IL17RC: variants seen among roughly 807,000 people sequenced by gnomAD.
IL17RC encodes interleukin-17 receptor C.
In IL17RC, 53 loss-of-function variants were observed where a neutral mutation model predicts 86.7. That is an observed-to-expected ratio of 0.61 (90% CI 0.49 to 0.77). IL17RC has a LOEUF of 0.77. Among genes scored for constraint, IL17RC ranks in the 30% least tolerant of loss-of-function variants. IL17RC has a pLI of 0.00. For missense variants in IL17RC, 957 were observed against 940.0 expected, an observed-to-expected ratio of 1.02 and a Z score of -0.24; for synonymous variants, 439 against 413.1, an observed-to-expected ratio of 1.06 and a Z score of -0.76.
Position 9,917,438 on chromosome 3 carries a change from G to A in IL17RC, c.105+18G>A, listed in dbSNP as rs763231993. The A allele has an allele frequency of 3.7e-6, 6 of 1,614,214 alleles. No individual in the cohort carries two copies. The East Asian group carries it at 1.3e-4, about 36-fold the overall frequency. ...GCTCTCCGGTGAGTCTGGAACCCTGGGGAGACGAGGAAAGGCTCAGGGTTC... is the reference window on the plus strand; with the variant it reads ...GCTCTCCGGTGAGTCTGGAACCCTGAGGAGACGAGGAAAGGCTCAGGGTTC... On this transcript the variant is annotated intron_variant, in intron 1 of 18. Transcript: ENST00000403601.
chr3:9,932,565 T>C (rs2084843221), intron 16 of IL17RC, 43 bp from the exon 17 acceptor site: 2 of 1,553,112 alleles, frequency 1.3e-6, no homozygotes, highest in Non-Finnish European at 1.8e-6. Flanking sequence ...TTTTCTTCTC[T>C]GTGGAGGGTA....
chr3:9,917,922 G>T lies in IL17RC; in HGVS notation c.128-1G>T. ...GCTCCCACCCGCTCCTCCACACACA[G>T]ACAGTGACATACTCTGCCTGCCTGG... is the stretch of plus-strand genomic sequence containing the variant. On this transcript the variant is annotated splice_acceptor_variant, in intron 2 of 18. Coordinates refer to ENST00000403601, the MANE Select transcript of IL17RC (RefSeq NM_153460.4). LOFTEE classifies it high-confidence loss of function. 6.2e-7 allele frequency: 1 copy of T among 1,613,244 alleles called. No individual in the cohort carries two copies.
chr3:9,917,286 C>T lies in IL17RC; in HGVS notation c.-30C>T. ...CTTGGGGGGGGGCAGCACAGGGCCT[C>T]AGGCCTGGGTGCCACCTGGCACCTA... On this transcript the variant is annotated 5_prime_UTR_variant, in exon 1 of 19. Transcript: ENST00000403601. 2.5e-6 allele frequency: 4 copies of T among 1,592,604 alleles called. No individual in the cohort carries two copies. Among genetic ancestry groups the T allele is most frequent in the Non-Finnish European group, 3.4e-6 (4 of 1,166,782 alleles).
chr3:9,930,850 A>G lies in IL17RC; in HGVS notation c.1339-45A>G. The G allele has an allele frequency of 6.3e-7, 1 of 1,582,716 alleles. No homozygotes were observed. Among genetic ancestry groups the G allele is most frequent in the Non-Finnish European group, 8.7e-7 (1 of 1,151,404 alleles). ...CCACCAGAGCTTGGTGAATATTGGA[A>G]CACCTGGCTGGTGCCCTGGATTTGG... On this transcript the variant is annotated intron_variant, in intron 15 of 18. Transcript: ENST00000403601. The surrounding 1 kb of genome is among the most constrained non-coding windows in gnomAD (Gnocchi z 5.8).
rs2125249361 is a variant in IL17RC, at chr3:9,928,186, C to T, written c.843C>T (p.Asp281=). ...TCCAGGTGTGGCCTCTGGAACCTGA[C>T]TCCGTTAGGACGAACATCTGCCCCT... The part of the protein sequence containing the change: ...LCIQVWPLEP[D]SVRTNICPFR... Residue 281 remains aspartate, a synonymous_variant, in exon 10 of 19, where the codon GAC becomes GAT. Transcript: ENST00000403601. 16 of 1,614,150 alleles carry T rather than the reference C, an allele frequency of 9.9e-6. No individual in the cohort carries two copies. Among genetic ancestry groups the T allele is most frequent in the Non-Finnish European group, 1.4e-5 (16 of 1,180,028 alleles).
At chr3:9,919,530 C>G (rs1403235072) in intron 5 of IL17RC, among the ~76,000 whole-genome samples, 1 of 151,948 alleles carries the variant, frequency 6.6e-6, no homozygotes, top group African/African-American at 2.4e-5. Flanking sequence ...CCTGTAGACC[C>G]AGCTACTCGG....
In IL17RC at chr3:9,920,979, A is replaced by C; in HGVS notation, c.622+10A>C. 7.0e-7 allele frequency: 1 copy of C among 1,434,286 alleles called. No homozygotes were observed. The highest frequency in any genetic ancestry group is 9.5e-7 in the Non-Finnish European group (1 of 1,053,416). The allele number at this position is 1,434,286 out of a possible 1,614,324, so 88.8% of individuals were successfully genotyped here. On this transcript the variant is annotated intron_variant, in intron 7 of 18. Coordinates refer to ENST00000403601, the MANE Select transcript of IL17RC (RefSeq NM_153460.4). ...ATCCCGAGCTGCTGGGGTAGGGGCT[A>C]GGGCCAGTGGGCCGGGGGTAGGGAG...
At chr3:9,928,015 A>G in intron 9 of IL17RC, 151 bp from the exon 10 acceptor site, 1 of 701,574 alleles carries the variant, frequency 1.4e-6, no homozygotes, top group Non-Finnish European at 2.5e-6. Context: ...CTGGAAGAAT[A>G]GATGTGAGCA....
intron 7 of IL17RC, among the ~76,000 whole-genome samples, chr3:9,923,460 A>G (rs1390194353): frequency 7.9e-5 from 12 of 151,606 alleles, no homozygotes; most frequent in Admixed American, 7.9e-4. Context: ...GGCTGAGGCA[A>G]GAGAATCGCT....
chr3:9,920,492 G>T lies in IL17RC; in HGVS notation c.467G>T (p.Gly156Val). The T allele has an allele frequency of 6.3e-7, 1 of 1,588,004 alleles. No individual in the cohort carries two copies. The highest frequency in any genetic ancestry group is 8.6e-7 in the Non-Finnish European group (1 of 1,163,262). The change falls in exon 6 of 19, where the codon GGC (glycine) becomes GTC (valine). Residue 156 changes from glycine (G) to valine (V), a missense_variant and splice_region_variant. Transcript: ENST00000403601. The stretch of plus-strand genomic sequence containing the variant: ...CCTTCCTCACCCCTCTCCTCACAGG[G>T]CTCTGTGGTATATGACTGCTTCGAG... ...AALVQFGQSVGSVVYDCFEAA... is the reference protein window; with the variant it reads ...AALVQFGQSVVSVVYDCFEAA...
intron 6 of IL17RC, 101 bp from the exon 7 acceptor site, chr3:9,920,824 G>T (rs2083476356): frequency 1.1e-6 from 1 of 895,104 alleles, no homozygotes; most frequent in Non-Finnish European, 1.7e-6. Context: ...GTATGTAGGG[G>T]ATGGGGAGCC....
At chr3:9,920,368 A>T in intron 5 of IL17RC, 123 bp from the exon 6 acceptor site, 1 of 659,922 alleles carries the variant, frequency 1.5e-6, no homozygotes, top group Non-Finnish European at 2.8e-6. Context: ...TATACAGTAT[A>T]AATACAGTCA....
chr3:9,926,265 C>T (rs895801931), intron 9 of IL17RC, among the ~76,000 whole-genome samples: 5 of 152,038 alleles, frequency 3.3e-5, no homozygotes, highest in Admixed American at 2.6e-4. Flanking sequence ...AATTCCTGAC[C>T]TCGTGATCCA....
intron 5 of IL17RC, 85 bp downstream of exon 5, chr3:9,918,694 GAATT>G (rs932975460): frequency 1.1e-6 from 1 of 947,382 alleles, no homozygotes; most frequent in African/African-American, 1.6e-5. Flanking sequence ...GATTACAAAA[GAATT>G]AAATTTATTG....
At chr3:9,927,202 T>C (rs1304312498) in intron 9 of IL17RC, among the ~76,000 whole-genome samples, 1 of 151,688 alleles carries the variant, frequency 6.6e-6, no homozygotes, top group Non-Finnish European at 1.5e-5. Context: ...AATGTGTCCT[T>C]AGAACTTAGC....
In IL17RC at chr3:9,917,263, T is replaced by TTGG; in HGVS notation, c.-53_-52insTGG. ...GGCTGACTGGGGTGTCTGCCCCCCT[T>TTGG]GGGGGGGGGCAGCACAGGGCCTCAG... is the stretch of plus-strand genomic sequence containing the variant. On this transcript the variant is annotated 5_prime_UTR_variant, in exon 1 of 19. Transcript: ENST00000403601. The TTGG allele has an allele frequency of 7.7e-7, 1 of 1,301,552 alleles. No homozygotes were observed. The highest frequency in any genetic ancestry group is 1.5e-5 in the African/African-American group (1 of 66,014). The allele number at this position is 1,301,552 out of a possible 1,614,324, so 80.6% of individuals were successfully genotyped here.
chr3:9,928,092 A>G (rs2084263631), intron 9 of IL17RC, 74 bp from the exon 10 acceptor site: 1 of 1,401,714 alleles, frequency 7.1e-7, no homozygotes, highest in Middle Eastern at 1.9e-4. Flanking sequence ...GAATGAGTGC[A>G]TCCCCACTGT....
rs879834565 is a variant in IL17RC at position 9,930,659 on chromosome 3, G to A, written c.1338+200G>A. On this transcript the variant is annotated intron_variant, in intron 15 of 18. Coordinates refer to ENST00000403601, the MANE Select transcript of IL17RC (RefSeq NM_153460.4). This position sits in a 1 kb window ranked among gnomAD's most constrained non-coding sequence, Gnocchi z 5.8. ...AGATAACCACACCTACAGGTGCTAA[G>A]TTTTGGGTTCCAGGGAGAGCTTCCG... 10 of 683,514 alleles carry A rather than the reference G, an allele frequency of 1.5e-5. No homozygotes were observed. The African/African-American group carries it at 1.8e-4, about 12-fold the overall frequency. 42.3% of individuals were successfully genotyped at this position (683,514 alleles called of 1,614,324 possible).
intron 16 of IL17RC, among the ~76,000 whole-genome samples, chr3:9,931,478 T>C (rs1435379634): frequency 0.31 from 6,529 of 20,754 alleles, 648 homozygotes; most frequent in African/African-American, 0.37. Flanking sequence ...CACATATATA[T>C]ATATATATAT....
Sources: gnomAD v4.1 joint callset for allele counts (sites outside exome capture counted in the v4.1 genomes callset) on GRCh38, gnomAD v4.1.1 for gene constraint, Gnocchi (gnomAD v3.1) non-coding constraint, MANE v1.5 for transcripts, NCBI Gene and HGNC (gene_info 2026-07-23, HGNC 2026-07-21) for gene names.